Variants in WIF1 observed in about 807,000 individuals in gnomAD.
WIF1 encodes the protein Wnt inhibitory factor 1.
In WIF1, 35 loss-of-function variants were observed where a neutral mutation model predicts 53.5. The ratio of observed to expected loss-of-function variants is 0.65; its 90% confidence interval spans 0.50 to 0.87. WIF1 has a LOEUF of 0.87. WIF1 is among the 40% of genes least tolerant of loss of function. The probability of loss-of-function intolerance (pLI) is 0.00; values close to 1 mark genes in which losing one functional copy is unlikely to be tolerated. For missense variants in WIF1, 467 were observed against 476.8 expected (o/e 0.98, Z 0.19); for synonymous variants, 171 against 170.4 (o/e 1.00, Z -0.03).
chr12:65,058,717 A>C (rs1357642667), intron 7 of WIF1, among the ~76,000 whole-genome samples: 1 of 152,184 alleles, frequency 6.6e-6, no homozygotes, highest in Admixed American at 6.5e-5. Context: ...ATAGTGGAAA[A>C]CTGAGTCAGC....
chr12:65,112,121 T>C (rs1295428705), intron 2 of WIF1, among the ~76,000 whole-genome samples: 1 of 152,164 alleles, frequency 6.6e-6, no homozygotes, highest in Non-Finnish European at 1.5e-5. Flanking sequence ...GCAGGCTTAT[T>C]TTAAATAAAT....
At chr12:65,105,888 T>C (rs995176563) in intron 2 of WIF1, among the ~76,000 whole-genome samples, 1 of 152,284 alleles carries the variant, frequency 6.6e-6, no homozygotes, top group African/African-American at 2.4e-5. Flanking sequence ...AGTGACAAAG[T>C]TCAATGCCAA....
chr12:65,084,440 G>A (rs1883004662), intron 2 of WIF1, among the ~76,000 whole-genome samples: 1 of 152,140 alleles, frequency 6.6e-6, no homozygotes, highest in Non-Finnish European at 1.5e-5. Context: ...GAGCTCACTG[G>A]CCCGAGGTGA....
intron 2 of WIF1, among the ~76,000 whole-genome samples, chr12:65,098,924 G>A (rs1883242537): frequency 6.6e-6 from 1 of 152,046 alleles, no homozygotes; most frequent in Non-Finnish European, 1.5e-5. Context: ...GAAAAATAAG[G>A]TGGTTCAACT....
chr12:65,073,113 A>G (rs11175638), intron 3 of WIF1, among the ~76,000 whole-genome samples: 2 of 152,298 alleles, frequency 1.3e-5, no homozygotes, highest in East Asian at 3.9e-4. Context: ...TCCTTACAAC[A>G]AGGCAAGAGA....
intron 2 of WIF1, among the ~76,000 whole-genome samples, chr12:65,082,193 T>C (rs1387824652): frequency 2.0e-5 from 3 of 152,056 alleles, no homozygotes; most frequent in East Asian, 1.9e-4. Flanking sequence ...AATCTCCCCA[T>C]TGGAAAAACT....
chr12:65,076,281 C>A (rs1415306768), intron 3 of WIF1, among the ~76,000 whole-genome samples: 3 of 152,004 alleles, frequency 2.0e-5, no homozygotes, highest in African/African-American at 7.3e-5. Flanking sequence ...AAGGAATCCT[C>A]CCCCCTCGGC....
At chr12:65,089,067 G>A (rs1392594768) in intron 2 of WIF1, among the ~76,000 whole-genome samples, 4 of 151,796 alleles carry the variant, frequency 2.6e-5, no homozygotes, top group Non-Finnish European at 5.9e-5. Context: ...CATTTCATTA[G>A]CCTCCAAGAT....
At chr12:65,067,322 C>T (rs1882701797) in intron 5 of WIF1, among the ~76,000 whole-genome samples, 1 of 152,082 alleles carries the variant, frequency 6.6e-6, no homozygotes, top group African/African-American at 2.4e-5. Flanking sequence ...TACACAAATT[C>T]ATCCACTTTT....
chr12:65,055,026 C>A, intron 9 of WIF1, 92 bp downstream of exon 9: 1 of 1,318,868 alleles, frequency 7.6e-7, no homozygotes, highest in South Asian at 1.4e-5. Flanking sequence ...GCCAAGAAAC[C>A]GAAGTGAAAA....
At chr12:65,069,480 A>G (rs61924762) in intron 3 of WIF1, among the ~76,000 whole-genome samples, 3,905 of 152,298 alleles carry the variant, frequency 0.026, 67 homozygotes, top group Non-Finnish European at 0.04. Context: ...TACGACTCAG[A>G]CTAGAGTTCA....
At chr12:65,102,542 A>G (rs1475974544) in intron 2 of WIF1, among the ~76,000 whole-genome samples, 1 of 152,220 alleles carries the variant, frequency 6.6e-6, no homozygotes, top group African/African-American at 2.4e-5. Context: ...TGTTAACCTC[A>G]TCCAGAAACA....
intron 2 of WIF1, among the ~76,000 whole-genome samples, chr12:65,109,040 A>T (rs1400359453): frequency 4.6e-5 from 7 of 152,168 alleles, no homozygotes; most frequent in Admixed American, 4.6e-4. Context: ...TCTTTCCCAA[A>T]CTTATTTCTT....
intron 2 of WIF1, among the ~76,000 whole-genome samples, chr12:65,111,911 T>A (rs1330826108): frequency 1.3e-5 from 2 of 152,068 alleles, no homozygotes; most frequent in Non-Finnish European, 2.9e-5. Context: ...GATGAATGGG[T>A]TTCAAGAGAT....
chr12:65,100,394 A>T (rs950845478), intron 2 of WIF1, among the ~76,000 whole-genome samples: 1 of 152,182 alleles, frequency 6.6e-6, no homozygotes, highest in African/African-American at 2.4e-5. Flanking sequence ...TCCTAACTGA[A>T]CAAAAATGTA....
intron 2 of WIF1, among the ~76,000 whole-genome samples, chr12:65,117,150 C>T (rs1356704892): frequency 6.6e-6 from 1 of 151,964 alleles, no homozygotes; most frequent in East Asian, 1.9e-4. Context: ...TTTTTATAAA[C>T]AGCATGATGA....
intron 2 of WIF1, among the ~76,000 whole-genome samples, chr12:65,084,108 C>T (rs1882999280): frequency 6.6e-6 from 1 of 152,104 alleles, no homozygotes; most frequent in Non-Finnish European, 1.5e-5. Flanking sequence ...CTCATGTCCC[C>T]ACAGAAAGAC....
intron 2 of WIF1, among the ~76,000 whole-genome samples, chr12:65,083,187 T>C (rs888265054): frequency 1.3e-5 from 2 of 152,196 alleles, no homozygotes; most frequent in Non-Finnish European, 2.9e-5. Flanking sequence ...ATTAGCAGAT[T>C]CACTGGGTAT....
At chr12:65,096,073 G>C (rs1883200099) in intron 2 of WIF1, among the ~76,000 whole-genome samples, 1 of 152,116 alleles carries the variant, frequency 6.6e-6, no homozygotes, top group African/African-American at 2.4e-5. Flanking sequence ...TCATCAGAAT[G>C]AACAAGTGAC....
Sources: allele counts gnomAD v4.1 joint callset (sites outside exome capture counted in the v4.1 genomes callset), GRCh38; gene constraint gnomAD v4.1.1; transcripts MANE v1.5; gene names NCBI Gene and HGNC (gene_info 2026-07-23, HGNC 2026-07-21).